The following LRP1B variants were observed in gnomAD, a reference collection of about 807,000 sequenced individuals.
The protein encoded by LRP1B is low-density lipoprotein receptor-related protein 1B.
LRP1B carries 217 observed loss-of-function variants against 556.6 expected under a neutral mutation model. That is an observed-to-expected ratio of 0.39 (90% CI 0.35 to 0.44). The LOEUF is 0.44. Ranked by LOEUF, LRP1B falls within the 20% of genes least tolerant of loss-of-function variation. LRP1B has a pLI of 1.00. For missense variants in LRP1B, 5,053 were observed against 5,620.8 expected, an observed-to-expected ratio of 0.90 and a Z score of 3.23; for synonymous variants, 2,047 against 1,865.8, an observed-to-expected ratio of 1.10 and a Z score of -2.50.
At chr2:142,067,929 A>G (rs1178385659) in intron 1 of LRP1B, among the ~76,000 whole-genome samples, 1 of 151,598 alleles carries the variant, frequency 6.6e-6, no homozygotes, top group Non-Finnish European at 1.5e-5. Flanking sequence ...GTACACTTTG[A>G]TAGGTATTAG....
intron 2 of LRP1B, among the ~76,000 whole-genome samples, chr2:141,726,367 A>AT (rs1198367963): frequency 6.6e-6 from 1 of 151,750 alleles, no homozygotes; most frequent in African/African-American, 2.4e-5. Flanking sequence ...AACATATATA[A>AT]TTTTTTCTAA....
At chr2:140,454,130 CT>C (rs968951026) in intron 62 of LRP1B, among the ~76,000 whole-genome samples, 15 of 151,946 alleles carry the variant, frequency 9.9e-5, no homozygotes, top group Non-Finnish European at 2.9e-5. Context: ...TCTTCATGAA[CT>C]TTTTTTCTTT....
At chr2:141,146,309 T>A (rs149319284) in intron 7 of LRP1B, among the ~76,000 whole-genome samples, 2,250 of 152,322 alleles carry the variant, frequency 0.015, 23 homozygotes, top group Middle Eastern at 0.044. Flanking sequence ...ATTCAAAGAT[T>A]TTATTTACAT....
intron 3 of LRP1B, among the ~76,000 whole-genome samples, chr2:141,355,933 C>T (rs939469773): frequency 3.9e-5 from 6 of 152,078 alleles, no homozygotes; most frequent in African/African-American, 1.4e-4. Flanking sequence ...ATATTTTGAA[C>T]ACTTTTTCTC....
intron 2 of LRP1B, among the ~76,000 whole-genome samples, chr2:141,784,067 G>T (rs899302095): frequency 2.0e-5 from 3 of 151,758 alleles, no homozygotes; most frequent in Non-Finnish European, 4.4e-5. Flanking sequence ...TTAAGTGATC[G>T]CATTTGTTGG....
chr2:141,714,409 C>A (rs116374490), intron 2 of LRP1B, among the ~76,000 whole-genome samples: 3,506 of 145,420 alleles, frequency 0.024, 66 homozygotes, highest in Non-Finnish European at 0.036. Flanking sequence ...TTGGTTTTCT[C>A]AAAAAAAGTT....
chr2:140,701,830 C>G lies in LRP1B; in HGVS notation c.6318G>C (p.Gly2106=), dbSNP rs2105426508. ...CATTCTTGTGGCCCCTTCTGACAGA[C>G]CCGTTTGCATGTGCTCTGCCAAAAA... The part of the protein sequence containing the change: ...IYWSDRAHAN[G]SVRRGHKNDA... The change falls in exon 40 of 91, where the codon GGG becomes GGC. Residue 2106 remains glycine (G), a synonymous_variant. Coordinates refer to ENST00000389484, the MANE Select transcript of LRP1B (RefSeq NM_018557.3). 6.2e-7 allele frequency: 1 copy of G among 1,613,092 alleles called. No individual in the cohort carries two copies. The highest frequency in any genetic ancestry group is 1.1e-5 in the South Asian group (1 of 91,058).
chr2:140,709,517 G>A (rs941899679), intron 37 of LRP1B, among the ~76,000 whole-genome samples: 7 of 151,490 alleles, frequency 4.6e-5, no homozygotes, highest in African/African-American at 1.7e-4. Context: ...GGAGGAGGAG[G>A]AGTCAATGAT....
intron 1 of LRP1B, among the ~76,000 whole-genome samples, chr2:141,837,074 A>G (rs1244237899): frequency 6.6e-6 from 1 of 152,012 alleles, no homozygotes; most frequent in Non-Finnish European, 1.5e-5. Context: ...TGGGATTATA[A>G]CTGAGTCTAT....
chr2:140,772,939 A>T (rs1435396096), intron 33 of LRP1B, among the ~76,000 whole-genome samples: 6 of 152,018 alleles, frequency 3.9e-5, no homozygotes, highest in Non-Finnish European at 8.8e-5. Context: ...ATCTCTACTG[A>T]AAAAACAAAA....
chr2:141,215,787 C>T (rs1682778968), intron 6 of LRP1B, among the ~76,000 whole-genome samples: 1 of 152,116 alleles, frequency 6.6e-6, no homozygotes, highest in South Asian at 2.1e-4. Context: ...AAGATGTGTC[C>T]TGGCTGCTTC....
intron 1 of LRP1B, among the ~76,000 whole-genome samples, chr2:142,128,066 G>A (rs1052753792): frequency 6.6e-6 from 1 of 152,016 alleles, no homozygotes; most frequent in African/African-American, 2.4e-5. Flanking sequence ...CATTAGTTTA[G>A]CTCTATATAG....
At chr2:141,930,421 ATGAGACTCTGCCAAG>A (rs1348037393) in intron 1 of LRP1B, among the ~76,000 whole-genome samples, 1 of 152,026 alleles carries the variant, frequency 6.6e-6, no homozygotes, top group African/African-American at 2.4e-5. Flanking sequence ...TAATTATTAG[ATGAGACTCTGCCAAG>A]TGAGTTACTC....
intron 3 of LRP1B, among the ~76,000 whole-genome samples, chr2:141,363,198 A>G (rs1299613063): frequency 2.0e-5 from 3 of 152,134 alleles, no homozygotes; most frequent in Non-Finnish European, 2.9e-5. Flanking sequence ...CTCACCACCC[A>G]TTTCTGTCCA....
At chr2:140,388,752 A>T (rs908587095) in intron 66 of LRP1B, among the ~76,000 whole-genome samples, 1 of 152,216 alleles carries the variant, frequency 6.6e-6, no homozygotes, top group Non-Finnish European at 1.5e-5. Context: ...TAGAGGGGGA[A>T]CTGTATGAGT....
intron 1 of LRP1B, among the ~76,000 whole-genome samples, chr2:142,129,695 T>C (rs901276068): frequency 4.0e-5 from 6 of 151,780 alleles, no homozygotes; most frequent in African/African-American, 1.2e-4. Flanking sequence ...TTTAAAAAAA[T>C]CTATGATACT....
intron 43 of LRP1B, among the ~76,000 whole-genome samples, chr2:140,573,438 C>T (rs951809999): frequency 3.7e-4 from 56 of 151,830 alleles, no homozygotes; most frequent in Admixed American, 6.6e-5. Context: ...AGAAATCAAA[C>T]GATTTAAAGA....
intron 2 of LRP1B, among the ~76,000 whole-genome samples, chr2:141,483,042 C>G (rs959131377): frequency 5.9e-5 from 9 of 151,810 alleles, no homozygotes; most frequent in Non-Finnish European, 8.8e-5. Context: ...ATACATGTGT[C>G]ATGTTGGTGT....
intron 1 of LRP1B, among the ~76,000 whole-genome samples, chr2:141,829,597 G>C (rs1435136752): frequency 6.6e-6 from 1 of 152,018 alleles, no homozygotes; most frequent in East Asian, 1.9e-4. Flanking sequence ...TTTTGTAATG[G>C]ATAAGTGGCA....
Sources: allele counts gnomAD v4.1 joint callset (sites outside exome capture counted in the v4.1 genomes callset), GRCh38; gene constraint gnomAD v4.1.1; transcripts MANE v1.5; gene names NCBI Gene and HGNC (gene_info 2026-07-23, HGNC 2026-07-21).